MARCHF1: variants seen among roughly 807,000 people sequenced by gnomAD.
The protein encoded by MARCHF1 is membrane associated ring-CH-type finger 1.
Under a neutral mutation model 54.2 loss-of-function variants are expected in MARCHF1, and 40 were observed. The ratio of observed to expected loss-of-function variants is 0.74; its 90% confidence interval spans 0.57 to 0.96. The LOEUF (loss-of-function observed/expected upper bound fraction) is 0.96, where lower values mean the gene tolerates loss of function less well. Ranked by LOEUF, MARCHF1 falls within the 40% of genes least tolerant of loss-of-function variation. The probability of loss-of-function intolerance (pLI) is 0.00; values close to 1 mark genes in which losing one functional copy is unlikely to be tolerated. For synonymous variants in MARCHF1, 236 were observed against 236.3 expected (o/e 1.00, Z 0.01); for missense variants, 586 against 656.5 (o/e 0.89, Z 1.17).
At chr4:164,125,855 G>T (rs1756168624) in intron 1 of MARCHF1, among the ~76,000 whole-genome samples, 1 of 152,186 alleles carries the variant, frequency 6.6e-6, no homozygotes, top group Non-Finnish European at 1.5e-5. Context: ...AGGTTGTGCA[G>T]TCCTTATGAG....
chr4:163,688,897 G>A (rs1744355058), intron 5 of MARCHF1, among the ~76,000 whole-genome samples: 1 of 152,104 alleles, frequency 6.6e-6, no homozygotes, highest in East Asian at 1.9e-4. Flanking sequence ...AAATGAAATG[G>A]AATCAGTCTT....
rs1381153769 is a variant in MARCHF1 at position 163,527,671 on chromosome 4, GA to G, written c.*1076del. ...ATAAAAGAATGAATTAAACTGTTTT[GA>G]AATACTCAACAACTGTTAAATAAAG... On this transcript the variant is annotated 3_prime_UTR_variant, in exon 10 of 10. Transcript: ENST00000514618. The G allele has an allele frequency of 6.6e-6, 1 of 151,946 alleles. No homozygotes were observed. The highest frequency in any genetic ancestry group is 1.9e-4 in the East Asian group (1 of 5,196). 9.4% of individuals were successfully genotyped at this position (151,946 alleles called of 1,614,324 possible). A position where few individuals can be genotyped will look rare whatever the true frequency, so the allele number is the denominator to read the frequency against.
chr4:163,796,781 T>C (rs926485963), intron 4 of MARCHF1, among the ~76,000 whole-genome samples: 27 of 152,150 alleles, frequency 1.8e-4, no homozygotes, highest in African/African-American at 6.0e-4. Flanking sequence ...TTTTAGTAAT[T>C]ATATAGCTTT....
intron 1 of MARCHF1, among the ~76,000 whole-genome samples, chr4:164,148,446 T>A (rs1285369612): frequency 1.3e-5 from 2 of 152,122 alleles, no homozygotes; most frequent in Non-Finnish European, 1.5e-5. Flanking sequence ...CATGTTCTCT[T>A]AATTAATCTT....
At chr4:163,657,943 G>A (rs10025947) in intron 5 of MARCHF1, among the ~76,000 whole-genome samples, 3 of 151,858 alleles carry the variant, frequency 2.0e-5, no homozygotes, top group Non-Finnish European at 4.4e-5. Context: ...ATGTAAAACC[G>A]AAAACTGTAA....
intron 3 of MARCHF1, among the ~76,000 whole-genome samples, chr4:163,947,284 G>A (rs1233368191): frequency 6.6e-6 from 1 of 152,098 alleles, no homozygotes; most frequent in Non-Finnish European, 1.5e-5. Flanking sequence ...GGAAGATGAT[G>A]AGCTGTGGTC....
rs80146507 is a variant in MARCHF1, at chr4:163,793,196, A to G, written c.111+60825T>C. 3.6e-3 allele frequency among the ~76,000 whole-genome samples: 554 copies of G among 152,338 alleles called. 5 individuals carry two copies. The highest frequency in any genetic ancestry group is 0.014 in the Middle Eastern group (4 of 294). On this transcript the variant is annotated intron_variant, in intron 4 of 9. Coordinates refer to ENST00000514618, the MANE Select transcript of MARCHF1 (RefSeq NM_001394959.1). Reference sequence around the variant, plus strand: ...AGGCAAAAATGTCATCTCACTCTAGAGATGCAAGTTGCCACGGCAATGCAA... The same window carrying G: ...AGGCAAAAATGTCATCTCACTCTAGGGATGCAAGTTGCCACGGCAATGCAA...
At chr4:164,382,035 T>C (rs1420831124) in intron 1 of MARCHF1, among the ~76,000 whole-genome samples, 2 of 152,206 alleles carry the variant, frequency 1.3e-5, no homozygotes, top group Non-Finnish European at 2.9e-5. Flanking sequence ...GACATATAAT[T>C]ATGCACTTCC....
chr4:164,212,471 G>A (rs980626952), intron 1 of MARCHF1, among the ~76,000 whole-genome samples: 6 of 152,136 alleles, frequency 3.9e-5, no homozygotes, highest in Non-Finnish European at 8.8e-5. Flanking sequence ...GATGTTAACA[G>A]ACTTAAAATT....
intron 4 of MARCHF1, among the ~76,000 whole-genome samples, chr4:163,741,007 A>G (rs1156443469): frequency 6.6e-6 from 1 of 152,078 alleles, no homozygotes; most frequent in Non-Finnish European, 1.5e-5. Context: ...TACCTTCTCT[A>G]TAGTCTCCTT....
chr4:163,812,475 C>A (rs1398099217), intron 4 of MARCHF1, among the ~76,000 whole-genome samples: 5 of 151,958 alleles, frequency 3.3e-5, no homozygotes, highest in African/African-American at 1.2e-4. Flanking sequence ...CTTTTGAAAC[C>A]AACGAGGCAC....
At chr4:163,826,878 G>A (rs1748866040) in intron 4 of MARCHF1, among the ~76,000 whole-genome samples, 1 of 151,886 alleles carries the variant, frequency 6.6e-6, no homozygotes, top group African/African-American at 2.4e-5. Context: ...GTAAAATAAG[G>A]CACAACAGAG....
chr4:164,227,692 G>T (rs912228734), intron 1 of MARCHF1, among the ~76,000 whole-genome samples: 6 of 152,026 alleles, frequency 3.9e-5, no homozygotes, highest in African/African-American at 1.4e-4. Context: ...CGCGCCATGT[G>T]CTTCTTGTAC....
rs146236171 is a variant in MARCHF1, at chr4:163,800,060, C to T, written c.111+53961G>A. Among the ~76,000 whole-genome samples the T allele has an allele frequency of 2.4e-4, 37 of 152,156 alleles. No individual in the cohort carries two copies. The East Asian group carries it at 5.4e-3, about 22-fold the overall frequency. Reference sequence around the variant, plus strand: ...CGGAAAACCAAAAACTGCATATTCTCATGTATAAGTAGAAGCTAAACAATG... The same window carrying T: ...CGGAAAACCAAAAACTGCATATTCTTATGTATAAGTAGAAGCTAAACAATG... On this transcript the variant is annotated intron_variant, in intron 4 of 9. Transcript: ENST00000514618.
intron 1 of MARCHF1, among the ~76,000 whole-genome samples, chr4:164,370,252 G>A (rs1730998760): frequency 6.6e-6 from 1 of 152,216 alleles, no homozygotes; most frequent in African/African-American, 2.4e-5. Context: ...TGGTGAGGGT[G>A]AAAAGAAGAA....
At chr4:163,904,010 T>C (rs1477714147) in intron 3 of MARCHF1, among the ~76,000 whole-genome samples, 2 of 152,212 alleles carry the variant, frequency 1.3e-5, no homozygotes, top group African/African-American at 4.8e-5. Flanking sequence ...GTTGGTTCTA[T>C]TTAAAATTTC....
At chr4:164,235,177 C>T (rs12510102) in intron 1 of MARCHF1, among the ~76,000 whole-genome samples, 39,604 of 151,860 alleles carry the variant, frequency 0.26, 5,849 homozygotes, top group East Asian at 0.5. Flanking sequence ...AAAACATTCT[C>T]GATTTTATCC....
intron 1 of MARCHF1, among the ~76,000 whole-genome samples, chr4:164,302,742 GC>G (rs1280539596): frequency 6.6e-6 from 1 of 151,898 alleles, no homozygotes; most frequent in Non-Finnish European, 1.5e-5. Flanking sequence ...GGTGGCCCAT[GC>G]CTGTAATCCC....
chr4:164,109,612 T>G (rs181465788), intron 2 of MARCHF1, among the ~76,000 whole-genome samples: 116 of 151,732 alleles, frequency 7.6e-4, no homozygotes, highest in Admixed American at 4.3e-3. Flanking sequence ...TTCCCACATA[T>G]TCCAGATTCT....
Sources: gnomAD v4.1 joint callset for allele counts (sites outside exome capture counted in the v4.1 genomes callset) on GRCh38, gnomAD v4.1.1 for gene constraint, MANE v1.5 for transcripts, NCBI Gene and HGNC (gene_info 2026-07-23, HGNC 2026-07-21) for gene names.